Variants in KTN1 observed in about 807,000 individuals in gnomAD.
KTN1 encodes the protein kinectin 1.
In KTN1, 130 loss-of-function variants were observed where a neutral mutation model predicts 222.5. The observed-to-expected ratio is 0.58, with a 90% CI of 0.51 to 0.68. The LOEUF is 0.68. Ranked by LOEUF, KTN1 falls within the 30% of genes least tolerant of loss-of-function variation. KTN1 has a pLI of 0.00. For missense variants in KTN1, 1,508 were observed against 1,500.4 expected, an observed-to-expected ratio of 1.01 and a Z score of -0.08; for synonymous variants, 512 against 496.3, an observed-to-expected ratio of 1.03 and a Z score of -0.42.
intron 1 of KTN1, among the ~76,000 whole-genome samples, chr14:55,595,654 G>T (rs552519006): frequency 1.3e-5 from 2 of 152,098 alleles, no homozygotes; most frequent in East Asian, 3.9e-4. Context: ...GTCAACTTTG[G>T]GATATTATTG....
intron 18 of KTN1, 26 bp from the exon 19 acceptor site, chr14:55,646,947 A>G (rs541838542): frequency 4.8e-6 from 7 of 1,456,094 alleles, no homozygotes; most frequent in Admixed American, 1.7e-5. Flanking sequence ...GTAAAGTTAA[A>G]CTTTTTTTGG....
At chr14:55,620,188 G>A (rs1393284248) in intron 5 of KTN1, among the ~76,000 whole-genome samples, 1 of 152,204 alleles carries the variant, frequency 6.6e-6, no homozygotes, top group Non-Finnish European at 1.5e-5. Context: ...GCTGTTTCAA[G>A]AGGTGGATTC....
chr14:55,625,647 A>G (rs1196240840), intron 5 of KTN1, among the ~76,000 whole-genome samples: 1 of 152,134 alleles, frequency 6.6e-6, no homozygotes, highest in Non-Finnish European at 1.5e-5. Context: ...GGTTAGCTGA[A>G]GTTGTTTTTC....
intron 1 of KTN1, among the ~76,000 whole-genome samples, chr14:55,595,878 G>A (rs2034928051): frequency 6.6e-6 from 1 of 152,096 alleles, no homozygotes; most frequent in Non-Finnish European, 1.5e-5. Context: ...TTGGCGGCTG[G>A]GCGCGGTGGC....
chr14:55,608,777 G>A (rs1013067511), intron 1 of KTN1, among the ~76,000 whole-genome samples: 1 of 151,904 alleles, frequency 6.6e-6, no homozygotes, highest in Non-Finnish European at 1.5e-5. Flanking sequence ...TTACAGGCGC[G>A]TACCACCACG....
rs771577463 is a variant in KTN1 at position 55,634,614 on chromosome 14, G to A, written c.1417G>A (p.Glu473Lys). 6.2e-7 allele frequency: 1 copy of A among 1,613,820 alleles called. No homozygotes were observed. The highest frequency in any genetic ancestry group is 8.5e-7 in the Non-Finnish European group (1 of 1,179,816). Residue 473 changes from glutamate to lysine, a missense_variant, in exon 9 of 44, where the codon GAA (glutamate) becomes AAA (lysine). Physicochemically the swap from Glu to Lys is moderately conservative, Grantham distance 56. Transcript: ENST00000395314. The part of the protein sequence containing the change: ...TEKTGKLQQE[E>K]VQKKNAEQAA... ...GAAAACAGGAAAGCTACAGCAAGAGGAAGTCCAAAAGAAGAATGCTGAGCA... is the reference window on the plus strand; with the variant it reads ...GAAAACAGGAAAGCTACAGCAAGAGAAAGTCCAAAAGAAGAATGCTGAGCA...
chr14:55,647,948 A>T lies in KTN1; in HGVS notation c.2208-77A>T, dbSNP rs572991049. 18 of 434,436 alleles carry T rather than the reference A, an allele frequency of 4.1e-5. No individual in the cohort carries two copies. In the East Asian group the frequency reaches 1.2e-3, roughly 28 times the overall value. 26.9% of individuals were successfully genotyped at this position (434,436 alleles called of 1,614,324 possible). A position where few individuals can be genotyped will look rare whatever the true frequency, so the allele number is the denominator to read the frequency against. ...GACAGAGCGAGTCTCTGTCTCAAAA[A>T]AAAATAATAATTATAATAATAATAT... On this transcript the variant is annotated intron_variant, in intron 19 of 43. Transcript: ENST00000395314.
intron 1 of KTN1, among the ~76,000 whole-genome samples, chr14:55,583,818 T>G (rs993318355): frequency 2.0e-5 from 3 of 152,226 alleles, no homozygotes; most frequent in African/African-American, 7.2e-5. Flanking sequence ...TTTCCGTATT[T>G]TTCCTCAAAC....
chr14:55,656,221 G>T (rs2043453262), intron 29 of KTN1, 89 bp downstream of exon 29: 1 of 851,064 alleles, frequency 1.2e-6, no homozygotes, highest in Non-Finnish European at 1.9e-6. Context: ...AAAAAATAGA[G>T]TACAGAATGA....
At chr14:55,675,193 C>A (rs941133793) in intron 40 of KTN1, 2 of 152,154 alleles carry the variant, frequency 1.3e-5, no homozygotes, top group African/African-American at 4.8e-5. Flanking sequence ...GTTCATTTTC[C>A]TTGCTCATAT....
chr14:55,618,542 T>C (rs568472160), intron 4 of KTN1, among the ~76,000 whole-genome samples: 3 of 152,172 alleles, frequency 2.0e-5, no homozygotes, highest in Non-Finnish European at 2.9e-5. Context: ...TTAAAACTTA[T>C]AATTTAGCTG....
Position 55,678,397 on chromosome 14 carries a change from G to T in KTN1, c.3901G>T (p.Ala1301Ser), listed in dbSNP as rs768931962. Residue 1301 changes from alanine to serine, a missense_variant, in exon 42 of 44, where the codon GCT (alanine) becomes TCT (serine). Coordinates refer to ENST00000395314, the MANE Select transcript of KTN1 (RefSeq NM_001079521.2). ...TATCCAGTCAAAAATAGTAAAAGCTGCTGGAGACACTACTGTTATTGAAAA... is the reference window on the plus strand; with the variant it reads ...TATCCAGTCAAAAATAGTAAAAGCTTCTGGAGACACTACTGTTATTGAAAA... ...ELIQSKIVKA[A>S]GDTTVIENSD... is the part of the protein sequence containing the mutation. The T allele has an allele frequency of 1.2e-6, 2 of 1,612,912 alleles. No homozygotes were observed. The highest frequency in any genetic ancestry group is 2.2e-5 in the South Asian group (2 of 91,062).
chr14:55,599,740 A>G (rs904177328), intron 1 of KTN1, among the ~76,000 whole-genome samples: 1 of 152,042 alleles, frequency 6.6e-6, no homozygotes, highest in Non-Finnish European at 1.5e-5. Context: ...TTTTATGTCA[A>G]TATTTGTGGT....
intron 15 of KTN1, among the ~76,000 whole-genome samples, chr14:55,640,700 A>G (rs149177859): frequency 6.6e-6 from 1 of 152,066 alleles, no homozygotes; most frequent in Non-Finnish European, 1.5e-5. Context: ...TATTTGAGCC[A>G]TTTAATTCAA....
Position 55,641,116 on chromosome 14 carries a change from C to G in KTN1, c.2022-11C>G. On this transcript the variant is annotated splice_polypyrimidine_tract_variant and intron_variant, in intron 16 of 43. Coordinates refer to ENST00000395314, the MANE Select transcript of KTN1 (RefSeq NM_001079521.2). The stretch of plus-strand genomic sequence containing the variant: ...TATGAAGTATTTTAATTTTTTTTTT[C>G]ACCCTCATAGTGTTTATGTTAAAGA... 6.5e-7 allele frequency: 1 copy of G among 1,532,646 alleles called. No individual in the cohort carries two copies. The highest frequency in any genetic ancestry group is 8.9e-7 in the Non-Finnish European group (1 of 1,127,092). The allele number at this position is 1,532,646 out of a possible 1,614,324, so 94.9% of individuals were successfully genotyped here.
At chr14:55,655,528 C>G (rs145733112) in intron 28 of KTN1, among the ~76,000 whole-genome samples, 98 of 152,254 alleles carry the variant, frequency 6.4e-4, no homozygotes, top group African/African-American at 2.1e-3. Context: ...CAGTTAAACA[C>G]ATCATTTTGA....
At chr14:55,633,856 G>A (rs565888481) in intron 8 of KTN1, among the ~76,000 whole-genome samples, 31 of 152,056 alleles carry the variant, frequency 2.0e-4, no homozygotes, top group African/African-American at 4.3e-4. Context: ...AGACACTTTC[G>A]GGCCGGGTGT....
intron 3 of KTN1, 129 bp downstream of exon 3, chr14:55,616,783 G>A (rs2038462318): frequency 1.5e-6 from 1 of 664,596 alleles, no homozygotes. Context: ...TAATACTAAT[G>A]CAGGTCTAAA....
chr14:55,626,904 A>G (rs1022537098), intron 5 of KTN1, among the ~76,000 whole-genome samples: 1 of 151,826 alleles, frequency 6.6e-6, no homozygotes, highest in Admixed American at 6.6e-5. Flanking sequence ...TTCTTCCAAG[A>G]AAGTTCCTGC....
Sources: allele counts gnomAD v4.1 joint callset (sites outside exome capture counted in the v4.1 genomes callset), GRCh38; gene constraint gnomAD v4.1.1; transcripts MANE v1.5; gene names NCBI Gene and HGNC (gene_info 2026-07-23, HGNC 2026-07-21).